Variants in CUX1 observed in about 807,000 individuals in gnomAD.
The protein encoded by CUX1 is protein CASP.
Under a neutral mutation model 158.8 loss-of-function variants are expected in CUX1, and 31 were observed. That is an observed-to-expected ratio of 0.20 (90% CI 0.15 to 0.26). The LOEUF is 0.26. CUX1 is among the 10% of genes least tolerant of loss of function. The pLI is 1.00. For missense variants in CUX1, 1,589 were observed against 2,014.6 expected (o/e 0.79, Z 4.04); for synonymous variants, 879 against 862.1 (o/e 1.02, Z -0.34).
chr7:101,879,041 G>A (rs773784983), intron 1 of CUX1, among the ~76,000 whole-genome samples: 4 of 152,184 alleles, frequency 2.6e-5, no homozygotes, highest in Admixed American at 1.3e-4. Context: ...AAGCCCATTC[G>A]TACTGTGCTG....
intron 2 of CUX1, among the ~76,000 whole-genome samples, chr7:102,025,851 A>C (rs1381827804): frequency 1.3e-5 from 2 of 152,154 alleles, no homozygotes; most frequent in African/African-American, 4.8e-5. Context: ...AATACAAAAT[A>C]ACGTGGGCTG....
intron 8 of CUX1, among the ~76,000 whole-genome samples, chr7:102,143,692 G>A (rs947757381): frequency 3.3e-5 from 5 of 152,198 alleles, no homozygotes; most frequent in South Asian, 2.1e-4. Flanking sequence ...GTGGGTAAAC[G>A]GGATTCCGGG....
At chr7:102,259,794 G>T (rs1219219332), downstream of CUX1, among the ~76,000 whole-genome samples, 2 of 148,204 alleles carry the variant, frequency 1.3e-5, no homozygotes, top group Admixed American at 1.3e-4. Flanking sequence ...AAGGAAGGAA[G>T]AAAGAACAGT....
intron 1 of CUX1, among the ~76,000 whole-genome samples, chr7:101,856,379 C>G (rs767106151): frequency 8.5e-5 from 13 of 152,096 alleles, no homozygotes; most frequent in Non-Finnish European, 1.6e-4. Context: ...ATTTCCCTCC[C>G]TACTCTTAAT....
At chr7:102,265,877 T>C (rs1347303655) in intron 14 of CUX1, among the ~76,000 whole-genome samples, 3 of 152,092 alleles carry the variant, frequency 2.0e-5, no homozygotes, top group Non-Finnish European at 4.4e-5. Flanking sequence ...AAAAAGAGAC[T>C]GGATTCTGGA....
intron 8 of CUX1, among the ~76,000 whole-genome samples, chr7:102,121,300 T>A (rs1281340643): frequency 6.6e-6 from 1 of 151,684 alleles, no homozygotes; most frequent in East Asian, 1.9e-4. Flanking sequence ...CTGGAGGAGC[T>A]GGGATTACAG....
intron 2 of CUX1, among the ~76,000 whole-genome samples, chr7:101,927,301 T>G (rs1349797095): frequency 3.3e-5 from 5 of 152,172 alleles, no homozygotes; most frequent in Admixed American, 1.3e-4. Context: ...CTCACTTACT[T>G]TGAAGCGTCA....
At chr7:102,158,424 C>T in intron 8 of CUX1, 136 bp from the exon 9 acceptor site, 2 of 720,768 alleles carry the variant, frequency 2.8e-6, no homozygotes, top group East Asian at 5.2e-5. Context: ...GTGAGCCCAC[C>T]TCCTCCTGCT....
At chr7:101,828,752 A>C (rs1454994603) in intron 1 of CUX1, among the ~76,000 whole-genome samples, 1 of 152,142 alleles carries the variant, frequency 6.6e-6, no homozygotes, top group African/African-American at 2.4e-5. Flanking sequence ...ATTTTTGTAG[A>C]GGTGACATCA....
At chr7:102,035,216 G>A (rs1455521196) in intron 3 of CUX1, among the ~76,000 whole-genome samples, 2 of 152,092 alleles carry the variant, frequency 1.3e-5, no homozygotes, top group Non-Finnish European at 2.9e-5. Flanking sequence ...CTTGACTTAC[G>A]ATGGTGCAAC....
chr7:101,835,736 ATTTG>A (rs1475634827), intron 1 of CUX1, among the ~76,000 whole-genome samples: 1 of 151,928 alleles, frequency 6.6e-6, no homozygotes, highest in African/African-American at 2.4e-5. Context: ...TAGTTATTTT[ATTTG>A]TTTGTTTATT....
chr7:101,834,490 AG>A (rs1220578781), intron 1 of CUX1, among the ~76,000 whole-genome samples: 1 of 152,150 alleles, frequency 6.6e-6, no homozygotes, highest in Non-Finnish European at 1.5e-5. Context: ...CTATTTTTAA[AG>A]AAAGAGCAAG....
intron 15 of CUX1, 82 bp downstream of exon 15, chr7:102,197,387 T>A: frequency 6.9e-7 from 1 of 1,444,076 alleles, no homozygotes; most frequent in Non-Finnish European, 9.6e-7. Context: ...TGCGTGTGTC[T>A]GTGTGCGTGA....
intron 20 of CUX1, among the ~76,000 whole-genome samples, chr7:102,226,858 T>C (rs1554528706): frequency 6.6e-6 from 1 of 152,206 alleles, no homozygotes; most frequent in Non-Finnish European, 1.5e-5. Flanking sequence ...CTCGAACTCC[T>C]GACCTTAGAT....
At chr7:102,278,649 TAAAATAAAAA>T (rs781867578) in intron 18 of CUX1, among the ~76,000 whole-genome samples, 34,166 of 98,310 alleles carry the variant, frequency 0.35, 4,683 homozygotes, top group Non-Finnish European at 0.43. Flanking sequence ...TAAAATAAAA[TAAAATAAAAA>T]AATAAAATAA....
rs1808024213 is a variant in CUX1 at position 101,943,839 on chromosome 7, C to T, written c.141+27614C>T. Among the ~76,000 whole-genome samples the T allele has an allele frequency of 1.3e-5, 2 of 151,732 alleles. 1 individual carries two copies. Among genetic ancestry groups the T allele is most frequent in the South Asian group, 4.2e-4 (2 of 4,796 alleles). On this transcript the variant is annotated intron_variant, in intron 2 of 23. Transcript: ENST00000292535. Reference sequence around the variant, plus strand: ...ATATCGTTAAATAAGTGAATTAGGCCGAGTGCCATGGCTGACACTTGTAAT... The same window carrying T: ...ATATCGTTAAATAAGTGAATTAGGCTGAGTGCCATGGCTGACACTTGTAAT...
At chr7:101,838,414 G>A (rs1430782967) in intron 1 of CUX1, among the ~76,000 whole-genome samples, 3 of 151,292 alleles carry the variant, frequency 2.0e-5, no homozygotes, top group African/African-American at 7.3e-5. Flanking sequence ...ACAGGCGTGA[G>A]CCACCTCACC....
At chr7:102,180,658 T>G (rs2131808955) in intron 11 of CUX1, among the ~76,000 whole-genome samples, 1 of 151,212 alleles carries the variant, frequency 6.6e-6, no homozygotes, top group East Asian at 1.9e-4. Flanking sequence ...TAATTGAAAT[T>G]TTCTTTTTGA....
chr7:102,014,287 C>T (rs1818352877), intron 2 of CUX1, among the ~76,000 whole-genome samples: 1 of 152,172 alleles, frequency 6.6e-6, no homozygotes, highest in Admixed American at 6.5e-5. Flanking sequence ...ATGGCCACCA[C>T]TCACTCCCAC....
Sources: allele counts gnomAD v4.1 joint callset (sites outside exome capture counted in the v4.1 genomes callset), GRCh38; gene constraint gnomAD v4.1.1; transcripts MANE v1.5; gene names NCBI Gene and HGNC (gene_info 2026-07-23, HGNC 2026-07-21).